The following CYB5RL variants were observed in gnomAD, a reference collection of about 807,000 sequenced individuals.
CYB5RL encodes the protein NADH-cytochrome b5 reductase-like.
CYB5RL carries 38 observed loss-of-function variants against 37.5 expected under a neutral mutation model. That is an observed-to-expected ratio of 1.01 (90% CI 0.78 to 1.33). The LOEUF (loss-of-function observed/expected upper bound fraction) is 1.33, where lower values mean the gene tolerates loss of function less well. Ranked by LOEUF, CYB5RL falls within the 40% of genes most tolerant of loss-of-function variation. The pLI is 0.00. For synonymous variants in CYB5RL, 141 were observed against 151.9 expected, an observed-to-expected ratio of 0.93 and a Z score of 0.53; for missense variants, 388 against 394.4, an observed-to-expected ratio of 0.98 and a Z score of 0.14.
At chr1:54,183,965 A>T (rs1474857432) in intron 6 of CYB5RL, 196 bp downstream of exon 6, 1 of 329,498 alleles carries the variant, frequency 3.0e-6, no homozygotes, top group Non-Finnish European at 5.3e-6. Context: ...ACAAGAGCGA[A>T]ACTCCGTCTC....
At chr1:54,193,782 G>A (rs1474463096) in intron 3 of CYB5RL, among the ~76,000 whole-genome samples, 1 of 151,190 alleles carries the variant, frequency 6.6e-6, no homozygotes, top group African/African-American at 2.4e-5. Context: ...CGAGACCAAC[G>A]TGGTAAAACC....
At chr1:54,177,298 T>C (rs4926621) in intron 7 of CYB5RL, among the ~76,000 whole-genome samples, 1,973 of 152,066 alleles carry the variant, frequency 0.013, 20 homozygotes, top group Middle Eastern at 0.024. Flanking sequence ...AGAGAGTGTG[T>C]ACAGGCAGGA....
intron 5 of CYB5RL, chr1:54,184,601 A>T (rs565502051): frequency 2.1e-5 from 4 of 190,332 alleles, no homozygotes; most frequent in Non-Finnish European, 3.2e-5. Context: ...ATTAACACAC[A>T]GTCTCAGCAT....
chr1:54,197,425 G>A (rs1265966276), intron 1 of CYB5RL, among the ~76,000 whole-genome samples: 1 of 149,258 alleles, frequency 6.7e-6, no homozygotes, highest in African/African-American at 2.5e-5. Context: ...CTGGGCTCAA[G>A]TGATTCTCCT....
chr1:54,171,554 C>A lies in CYB5RL; in HGVS notation c.*3065G>T. 2.5e-6 allele frequency: 1 copy of A among 403,206 alleles called. No homozygotes were observed. The highest frequency in any genetic ancestry group is 5.0e-6 in the Non-Finnish European group (1 of 199,518). The allele number at this position is 403,206 out of a possible 1,614,324, so 25.0% of individuals were successfully genotyped here. A position where few individuals can be genotyped will look rare whatever the true frequency, so the allele number is the denominator to read the frequency against. On this transcript the variant is annotated 3_prime_UTR_variant, in exon 8 of 8. Transcript: ENST00000534324. ...CCGCTTCTGCGACCAAGAATCTGTC[C>A]TCAGGCCCTCTAGTAGCTGTTGCCT... is the stretch of plus-strand genomic sequence containing the variant.
At chr1:54,192,479 T>C (rs1643964940) in intron 3 of CYB5RL, among the ~76,000 whole-genome samples, 1 of 151,968 alleles carries the variant, frequency 6.6e-6, no homozygotes, top group African/African-American at 2.4e-5. Flanking sequence ...GGCACCACGC[T>C]GGACCTCTGT....
At chr1:54,178,382 G>C (rs1003708414) in intron 7 of CYB5RL, among the ~76,000 whole-genome samples, 12 of 152,164 alleles carry the variant, frequency 7.9e-5, no homozygotes, top group African/African-American at 2.9e-4. Context: ...AACCCAGAGG[G>C]GACAGGAGGG....
rs754569086 is a variant in CYB5RL, at chr1:54,195,576, G to A, written c.41C>T (p.Ala14Val). Reference protein sequence around the residue: ...EREEDDDTEEAWMQLRPTEPL... With the variant: ...EREEDDDTEEVWMQLRPTEPL... The stretch of plus-strand genomic sequence containing the variant: ...TTCTGTGGGCCGTAGCTGCATCCAG[G>A]CTTCCTCAGTGTCGTCGTCCTCTTC... The change falls in exon 3 of 8, where the codon GCC (alanine) becomes GTC (valine). Residue 14 changes from alanine to valine, a missense_variant. By Grantham distance (64) the Ala-to-Val change is moderately conservative. Coordinates refer to ENST00000534324, the MANE Select transcript of CYB5RL (RefSeq NM_001031672.4). 3 of 1,613,414 alleles carry A rather than the reference G, an allele frequency of 1.9e-6. No homozygotes were observed. Among genetic ancestry groups the A allele is most frequent in the Non-Finnish European group, 1.7e-6 (2 of 1,179,524 alleles).
Position 54,173,505 on chromosome 1 carries a change from C to T in CYB5RL, c.*1114G>A, listed in dbSNP as rs990043552. The T allele has an allele frequency of 8.5e-5, 13 of 152,236 alleles. No individual in the cohort carries two copies. Among genetic ancestry groups the T allele is most frequent in the African/African-American group, 3.1e-4 (13 of 41,452 alleles). 9.4% of individuals were successfully genotyped at this position (152,236 alleles called of 1,614,324 possible). A position where few individuals can be genotyped will look rare whatever the true frequency, so the allele number is the denominator to read the frequency against. On this transcript the variant is annotated 3_prime_UTR_variant, in exon 8 of 8. Transcript: ENST00000534324. ...TTACCCTGGGCAAGTCATTTAGTCT[C>T]ACTGGGCTTCAGTTTCCCGTGTATA... is the stretch of plus-strand genomic sequence containing the variant.
Position 54,184,277 on chromosome 1 carries a change from C to T in CYB5RL, c.436-12G>A, listed in dbSNP as rs543237682. The T allele has an allele frequency of 6.2e-7, 1 of 1,610,832 alleles. No homozygotes were observed. The highest frequency in any genetic ancestry group is 1.1e-5 in the South Asian group (1 of 90,452). ...CCCATCTGGTAGCACTGGAAGCAAA[C>T]ACAGGGAGACGTCAGCGGGACAGGT... On this transcript the variant is annotated splice_polypyrimidine_tract_variant and intron_variant, in intron 5 of 7. Coordinates refer to ENST00000534324, the MANE Select transcript of CYB5RL (RefSeq NM_001031672.4).
intron 6 of CYB5RL, chr1:54,180,110 GCCT>G (rs1346491120): frequency 4.7e-6 from 2 of 429,232 alleles, no homozygotes; most frequent in Non-Finnish European, 9.3e-6. Context: ...GGTGGTGCAC[GCCT>G]GTAGTCCCAG....
At position 54,187,641 on chromosome 1, in the gene CYB5RL, G is replaced by C; in HGVS notation, c.435+11C>G. 1 of 1,613,262 alleles carries C rather than the reference G, an allele frequency of 6.2e-7. No homozygotes were observed. Among genetic ancestry groups the C allele is most frequent in the Non-Finnish European group, 8.5e-7 (1 of 1,179,336 alleles). On this transcript the variant is annotated intron_variant, in intron 5 of 7. Transcript: ENST00000534324. The stretch of plus-strand genomic sequence containing the variant: ...CACGGCATCTTGGAGCATCCTCAAG[G>C]GTCAACTCACCTTAATTAACACTTC...
chr1:54,176,104 G>A (rs1349735577), intron 7 of CYB5RL, among the ~76,000 whole-genome samples: 2 of 152,216 alleles, frequency 1.3e-5, no homozygotes, highest in African/African-American at 4.8e-5. Context: ...TTCCTGCTGA[G>A]TGACTGTGAC....
In CYB5RL at chr1:54,170,441, G is replaced by A. The variant is rs576247791; in HGVS notation, c.*4178C>T. The A allele has an allele frequency of 6.6e-6, 1 of 151,934 alleles. No homozygotes were observed. Among genetic ancestry groups the A allele is most frequent in the Admixed American group, 6.6e-5 (1 of 15,254 alleles). 9.4% of individuals were successfully genotyped at this position (151,934 alleles called of 1,614,324 possible). A position where few individuals can be genotyped will look rare whatever the true frequency, so the allele number is the denominator to read the frequency against. ...CTTTTATTATTTTTTTTAAGATGGAGTCTCGCTCTGTCGCCCAGGCTGGAG... is the reference window on the plus strand; with the variant it reads ...CTTTTATTATTTTTTTTAAGATGGAATCTCGCTCTGTCGCCCAGGCTGGAG... On this transcript the variant is annotated 3_prime_UTR_variant, in exon 8 of 8. Coordinates refer to ENST00000534324, the MANE Select transcript of CYB5RL (RefSeq NM_001031672.4).
At chr1:54,181,012 C>CAAACAAAACA (rs745935842) in intron 6 of CYB5RL, among the ~76,000 whole-genome samples, 1 of 152,120 alleles carries the variant, frequency 6.6e-6, no homozygotes, top group African/African-American at 2.4e-5. Context: ...GACCCTGTCT[C>CAAACAAAACA]AAACAAAACA....
Position 54,171,003 on chromosome 1 carries a change from T to C in CYB5RL, c.*3616A>G. Reference sequence around the variant, plus strand: ...CCAGGAAGTGCTGAGCATCCTCCCCTGTTAGGGGTACAATGGGCCGGCCCT... The same window carrying C: ...CCAGGAAGTGCTGAGCATCCTCCCCCGTTAGGGGTACAATGGGCCGGCCCT... On this transcript the variant is annotated 3_prime_UTR_variant, in exon 8 of 8. Coordinates refer to ENST00000534324, the MANE Select transcript of CYB5RL (RefSeq NM_001031672.4). The C allele has an allele frequency of 5.1e-6, 2 of 390,034 alleles. No homozygotes were observed. The highest frequency in any genetic ancestry group is 1.0e-5 in the Non-Finnish European group (2 of 191,080). The allele number at this position is 390,034 out of a possible 1,614,324, so 24.2% of individuals were successfully genotyped here.
rs1280392826 is a variant in CYB5RL at position 54,175,758 on chromosome 1, T to A, written c.745-936A>T. On this transcript the variant is annotated intron_variant, in intron 7 of 7. Coordinates refer to ENST00000534324, the MANE Select transcript of CYB5RL (RefSeq NM_001031672.4). Reference sequence around the variant, plus strand: ...AGTATAAGAGCTATTTACTCAACATTTACATTGTATTAGGTATTATAATTT... The same window carrying A: ...AGTATAAGAGCTATTTACTCAACATATACATTGTATTAGGTATTATAATTT... The A allele has an allele frequency of 1.1e-4, 40 of 355,938 alleles. 1 individual carries two copies. The highest frequency in any genetic ancestry group is 8.4e-4 in the South Asian group (39 of 46,530). 22.0% of individuals were successfully genotyped at this position (355,938 alleles called of 1,614,324 possible). A position where few individuals can be genotyped will look rare whatever the true frequency, so the allele number is the denominator to read the frequency against.
intron 7 of CYB5RL, among the ~76,000 whole-genome samples, chr1:54,175,171 T>C (rs1284078143): frequency 1.3e-5 from 2 of 152,234 alleles, no homozygotes; most frequent in Non-Finnish European, 2.9e-5. Context: ...TGACTGTGGG[T>C]TTCCCAGAAT....
intron 7 of CYB5RL, among the ~76,000 whole-genome samples, chr1:54,176,401 T>C (rs1231751481): frequency 6.6e-6 from 1 of 152,166 alleles, no homozygotes; most frequent in Admixed American, 6.5e-5. Flanking sequence ...GGTGATGCTA[T>C]GTGCCTATAG....
Sources: gnomAD v4.1 joint callset for allele counts (sites outside exome capture counted in the v4.1 genomes callset) on GRCh38, gnomAD v4.1.1 for gene constraint, MANE v1.5 for transcripts, NCBI Gene and HGNC (gene_info 2026-07-23, HGNC 2026-07-21) for gene names.